The following GTF2I variants were observed in gnomAD, a reference collection of about 807,000 sequenced individuals.
GTF2I encodes the protein general transcription factor IIi.
Under a neutral mutation model 67.6 loss-of-function variants are expected in GTF2I, and 12 were observed. That is an observed-to-expected ratio of 0.18 (90% CI 0.11 to 0.29). The LOEUF (loss-of-function observed/expected upper bound fraction) is 0.29. GTF2I is among the 10% of genes least tolerant of loss of function. The pLI is 1.00. For missense variants in GTF2I, 271 were observed against 580.1 expected, an observed-to-expected ratio of 0.47 and a Z score of 5.47; for synonymous variants, 149 against 197.0, an observed-to-expected ratio of 0.76 and a Z score of 2.04.
At chr7:74,664,886 G>A (rs1554387939) in intron 1 of GTF2I, among the ~76,000 whole-genome samples, 4 of 152,100 alleles carry the variant, frequency 2.6e-5, no homozygotes, top group East Asian at 1.9e-4. Context: ...GGCCCTTGCC[G>A]TTTCCTGCCT....
At chr7:74,700,656 T>C (rs1789601620) in intron 6 of GTF2I, 22 bp downstream of exon 6, 1 of 1,611,080 alleles carries the variant, frequency 6.2e-7, no homozygotes, top group Admixed American at 1.7e-5. Flanking sequence ...CTTTGCTTCC[T>C]TGATAGCTGG....
rs1295155309 is a variant in GTF2I at position 74,743,499 on chromosome 7, GA to G, written c.1730del (p.Glu577GlyfsTer5). On this transcript the variant is annotated frameshift_variant, in exon 20 of 35. Coordinates refer to ENST00000573035, the MANE Select transcript of GTF2I (RefSeq NM_032999.4). LOFTEE classifies it high-confidence loss of function. The part of the protein sequence containing the change: ...RITKLRKQVE[E>X]IFNLKFAQAL... ...TACCAAGCTACGGAAGCAAGTGGAA[GA>G]GATTTTTAATTTGAAATTTGGTAAG... 2 of 511,826 alleles carry G rather than the reference GA, an allele frequency of 3.9e-6. No individual in the cohort carries two copies. Among genetic ancestry groups the G allele is most frequent in the Admixed American group, 2.9e-5 (1 of 34,140 alleles). 31.7% of individuals were successfully genotyped at this position (511,826 alleles called of 1,614,324 possible). A position where few individuals can be genotyped will look rare whatever the true frequency, so the allele number is the denominator to read the frequency against.
chr7:74,662,155 C>T (rs922272472), intron 1 of GTF2I, among the ~76,000 whole-genome samples: 2 of 144,588 alleles, frequency 1.4e-5, no homozygotes, highest in African/African-American at 2.6e-5. Flanking sequence ...TTTTGCGGGA[C>T]GGGGTTGGGG....
intron 1 of GTF2I, among the ~76,000 whole-genome samples, chr7:74,677,098 C>T (rs1805968997): frequency 6.6e-6 from 1 of 151,872 alleles, no homozygotes; most frequent in South Asian, 2.1e-4. Flanking sequence ...CGAAAAAACC[C>T]CAACAGTTTC....
chr7:74,726,594 C>T (rs913181678), intron 12 of GTF2I: 4 of 152,074 alleles, frequency 2.6e-5, no homozygotes, highest in Non-Finnish European at 4.4e-5. Flanking sequence ...CTATAATCTC[C>T]GCACTTTGGG....
At chr7:74,715,312 C>T (rs1584255469) in intron 10 of GTF2I, among the ~76,000 whole-genome samples, 1 of 152,066 alleles carries the variant, frequency 6.6e-6, no homozygotes. Context: ...CTGTAAGTTT[C>T]GAATTGATTG....
At position 74,689,155 on chromosome 7, in the gene GTF2I, C is replaced by G. The variant is rs781817779; in HGVS notation, c.27C>G (p.Leu9=). MAQVAMST[L]PVEDEESSES... ...TGGCCCAAGTTGCAATGTCCACCCTCCCCGTTGAAGATGAGGAGTCCTCGG... is the reference window on the plus strand; with the variant it reads ...TGGCCCAAGTTGCAATGTCCACCCTGCCCGTTGAAGATGAGGAGTCCTCGG... The change falls in exon 2 of 35, where the codon CTC becomes CTG. Residue 9 remains leucine, a synonymous_variant. Coordinates refer to ENST00000573035, the MANE Select transcript of GTF2I (RefSeq NM_032999.4). 8 of 1,612,282 alleles carry G rather than the reference C, an allele frequency of 5.0e-6. No individual in the cohort carries two copies. In the African/African-American group the frequency reaches 1.1e-4, roughly 22 times the overall value.
chr7:74,688,866 C>T, intron 1 of GTF2I: 1 of 379,686 alleles, frequency 2.6e-6, no homozygotes, highest in Non-Finnish European at 4.8e-6. Context: ...TTCACTGATT[C>T]TGGGTGCCAC....
At chr7:74,679,927 A>G (rs1554393555) in intron 1 of GTF2I, among the ~76,000 whole-genome samples, 1 of 151,528 alleles carries the variant, frequency 6.6e-6, no homozygotes, top group East Asian at 1.9e-4. Context: ...CTAAAAATAG[A>G]AAAATTATCT....
In GTF2I at chr7:74,657,907, C is replaced by T; in HGVS notation, c.-167C>T. ...CGGCCATGCGGCGGTGACAGGAGCG[C>T]GACCGACACGCACGGGCCCCTCGCC... On this transcript the variant is annotated 5_prime_UTR_variant, in exon 1 of 35. Transcript: ENST00000573035. 1 of 152,134 alleles carries T rather than the reference C, an allele frequency of 6.6e-6. No individual in the cohort carries two copies. The highest frequency in any genetic ancestry group is 1.5e-5 in the Non-Finnish European group (1 of 68,190). The allele number at this position is 152,134 out of a possible 1,614,324, so 9.4% of individuals were successfully genotyped here.
intron 1 of GTF2I, among the ~76,000 whole-genome samples, chr7:74,688,212 G>A (rs189734382): frequency 2.0e-5 from 3 of 152,014 alleles, no homozygotes; most frequent in East Asian, 3.9e-4. Context: ...TTGAGTAGCC[G>A]GGATTACAGG....
intron 7 of GTF2I, among the ~76,000 whole-genome samples, chr7:74,705,555 T>G (rs2131368702): frequency 8.1e-5 from 1 of 12,366 alleles, no homozygotes; most frequent in East Asian, 0.056. Context: ...TGGTAACTCT[T>G]TTTTTTTTTT....
chr7:74,689,348 C>CTTTTTTTTTT (rs1162860651), intron 2 of GTF2I, 121 bp downstream of exon 2: 19 of 145,264 alleles, frequency 1.3e-4, no homozygotes, highest in African/African-American at 2.6e-4. Flanking sequence ...TTTTTCTTTA[C>CTTTTTTTTTT]TTTTTTTTTT....
chr7:74,749,098 T>TA lies in GTF2I; in HGVS notation c.2236+9dup. 1 of 379,070 alleles carries TA rather than the reference T, an allele frequency of 2.6e-6. No individual in the cohort carries two copies. Among genetic ancestry groups the TA allele is most frequent in the Non-Finnish European group, 4.8e-6 (1 of 206,844 alleles). The allele number at this position is 379,070 out of a possible 1,614,324, so 23.5% of individuals were successfully genotyped here. The stretch of plus-strand genomic sequence containing the variant: ...TCTTCAATGAGAAATGTGGTAAGTC[T>TA]ATTTTGAAACCTTCTTACTGCCACG... On this transcript the variant is annotated intron_variant, in intron 25 of 34. Transcript: ENST00000573035.
intron 1 of GTF2I, among the ~76,000 whole-genome samples, chr7:74,671,287 A>G (rs1015302196): frequency 7.2e-5 from 11 of 151,862 alleles, no homozygotes; most frequent in African/African-American, 2.7e-4. Context: ...GAATTTCACC[A>G]TGATGTCCAG....
chr7:74,728,255 T>C (rs371792932), intron 12 of GTF2I, among the ~76,000 whole-genome samples: 2 of 152,264 alleles, frequency 1.3e-5, no homozygotes, highest in South Asian at 2.1e-4. Context: ...TGAGCCAAGA[T>C]TGCATCACTG....
At chr7:74,706,012 G>T (rs1412040329) in intron 7 of GTF2I, among the ~76,000 whole-genome samples, 1 of 151,918 alleles carries the variant, frequency 6.6e-6, no homozygotes, top group Non-Finnish European at 1.5e-5. Flanking sequence ...GAGTTCAGTG[G>T]CATGATCTCA....
At chr7:74,737,171 C>T (rs1226420791) in intron 18 of GTF2I, among the ~76,000 whole-genome samples, 2 of 147,276 alleles carry the variant, frequency 1.4e-5, no homozygotes, top group Non-Finnish European at 1.5e-5. Flanking sequence ...CCAGCCTGGG[C>T]AACAGAGCGA....
At chr7:74,675,757 T>C (rs1371298785) in intron 1 of GTF2I, among the ~76,000 whole-genome samples, 4 of 152,098 alleles carry the variant, frequency 2.6e-5, no homozygotes, top group Non-Finnish European at 5.9e-5. Flanking sequence ...ACACCTGTAA[T>C]CCCAGCACTT....
Sources: allele counts gnomAD v4.1 joint callset (sites outside exome capture counted in the v4.1 genomes callset), GRCh38; gene constraint gnomAD v4.1.1; transcripts MANE v1.5; gene names NCBI Gene and HGNC (gene_info 2026-07-23, HGNC 2026-07-21).